Variants in TENT5D observed in about 807,000 individuals in gnomAD.
The protein encoded by TENT5D is terminal nucleotidyltransferase 5D, also known as cancer/testis antigen 112.
For missense variants in TENT5D, 191 were observed against 287.0 expected (o/e 0.67, Z 2.42); for synonymous variants, 103 against 100.6 (o/e 1.02, Z -0.15).
At chrX:80,408,582 G>A (rs1366990502) in intron 3 of TENT5D, among the ~76,000 whole-genome samples, 7 of 110,495 alleles carry the variant, frequency 6.3e-5, no homozygotes, top group South Asian at 3.9e-4. Context: ...CCAATAACAC[G>A]AGCTGAAATT....
rs149506365 is a variant in TENT5D, at chrX:80,387,085, G to A, written c.-142+44521G>A. On this transcript the variant is annotated intron_variant, in intron 3 of 4. Transcript: ENST00000538312. ...GTCTTGATCCATGGTGAGTAAAACTGGTTGTTAAATAACTAAGCATAGTTT... is the reference window on the plus strand; with the variant it reads ...GTCTTGATCCATGGTGAGTAAAACTAGTTGTTAAATAACTAAGCATAGTTT... 8.2e-3 allele frequency among the ~76,000 whole-genome samples: 922 copies of A among 112,034 alleles called. 7 individuals carry two copies. The highest frequency in any genetic ancestry group is 0.028 in the African/African-American group (870 of 30,839).
chrX:80,437,109 C>T (rs1277812778), intron 1 of TENT5D, among the ~76,000 whole-genome samples: 1 of 112,257 alleles, frequency 8.9e-6, no homozygotes, highest in Admixed American at 9.5e-5. Context: ...ATTCCTTTTA[C>T]AGCTCCCTCT....
chrX:80,337,163 A>T (rs1929867562), intron 2 of TENT5D, among the ~76,000 whole-genome samples: 1 of 112,095 alleles, frequency 8.9e-6, no homozygotes, highest in Non-Finnish European at 1.9e-5. Flanking sequence ...AAAACTTTTT[A>T]TTATAGAGAA....
intron 3 of TENT5D, among the ~76,000 whole-genome samples, chrX:80,397,022 G>C (rs1452429187): frequency 1.8e-4 from 17 of 95,075 alleles, no homozygotes; most frequent in East Asian, 3.6e-4. Flanking sequence ...GTCTGGCCGG[G>C]GGGGGGGCTG....
intron 1 of TENT5D, among the ~76,000 whole-genome samples, chrX:80,426,549 T>G (rs775457137): frequency 1.9e-4 from 21 of 112,092 alleles, no homozygotes; most frequent in Non-Finnish European, 3.6e-4. Flanking sequence ...TGCTTTTATT[T>G]TAATGCTTAA....
intron 3 of TENT5D, among the ~76,000 whole-genome samples, chrX:80,406,219 C>A (rs1405405502): frequency 1.2e-4 from 13 of 112,439 alleles, no homozygotes; most frequent in Admixed American, 3.8e-4. Context: ...GAACGCAGTT[C>A]CTCACCAGCA....
At chrX:80,417,085 C>T (rs1222781408), upstream of TENT5D, among the ~76,000 whole-genome samples, 1 of 108,854 alleles carries the variant, frequency 9.2e-6, no homozygotes, top group Non-Finnish European at 1.9e-5. Context: ...ACTTTTGTTG[C>T]TTTAAAATCT....
In TENT5D at chrX:80,349,185, C is replaced by T. The variant is rs140120357; in HGVS notation, c.-142+6621C>T. Among the ~76,000 whole-genome samples, 1,114 of 111,830 alleles carry T rather than the reference C, an allele frequency of 1.0e-2. 11 individuals are homozygous for T. Among genetic ancestry groups the T allele is most frequent in the Middle Eastern group, 0.037 (8 of 217 alleles). On this transcript the variant is annotated intron_variant, in intron 3 of 4. Transcript: ENST00000538312. Reference sequence around the variant, plus strand: ...ATGCTGGCCTCATAAAATGAGTTAGCGGGGAGTCCCTCTTTTTCTATTGTT... The same window carrying T: ...ATGCTGGCCTCATAAAATGAGTTAGTGGGGAGTCCCTCTTTTTCTATTGTT...
At chrX:80,417,227 A>G (rs1427909640), upstream of TENT5D, among the ~76,000 whole-genome samples, 1 of 111,447 alleles carries the variant, frequency 9.0e-6, no homozygotes, top group East Asian at 2.8e-4. Flanking sequence ...TGAGGACAGC[A>G]TACCATTGGA....
intron 3 of TENT5D, among the ~76,000 whole-genome samples, chrX:80,394,981 G>A (rs1308298199): frequency 9.0e-6 from 1 of 111,418 alleles, no homozygotes; most frequent in Non-Finnish European, 1.9e-5. Context: ...CTATCTAATT[G>A]TAACTTTGGA....
rs186796636 is a variant in TENT5D at position 80,383,005 on chromosome X, G to T, written c.-142+40441G>T. ...TCGCCTTCCATGGGCTGCACCCACT[G>T]TCCAAGCAGTCCCAGTGAGGTGAAC... On this transcript the variant is annotated intron_variant, in intron 3 of 4. Coordinates refer to the TENT5D transcript ENST00000538312. Among the ~76,000 whole-genome samples the T allele has an allele frequency of 2.7e-4, 30 of 111,831 alleles. 1 individual carries two copies. Among genetic ancestry groups the T allele is most frequent in the African/African-American group, 9.1e-4 (28 of 30,829 alleles).
chrX:80,440,185 A>C (rs1489522978), intron 2 of TENT5D, among the ~76,000 whole-genome samples: 1 of 111,793 alleles, frequency 8.9e-6, no homozygotes, highest in African/African-American at 3.2e-5. Context: ...TGAAAAGACT[A>C]GAATGTTTGG....
At chrX:80,336,437 C>T (rs1305785226) in intron 2 of TENT5D, among the ~76,000 whole-genome samples, 1 of 109,783 alleles carries the variant, frequency 9.1e-6, no homozygotes, top group Non-Finnish European at 1.9e-5. Flanking sequence ...GTAGGTGAAA[C>T]TGTATAAAGA....
At chrX:80,363,278 A>C (rs1012378499) in intron 3 of TENT5D, among the ~76,000 whole-genome samples, 2 of 111,713 alleles carry the variant, frequency 1.8e-5, no homozygotes, top group African/African-American at 6.5e-5. Context: ...TGCATTTCCT[A>C]ATTTATAGCA....
chrX:80,361,001 C>T (rs987130940), intron 3 of TENT5D, among the ~76,000 whole-genome samples: 7 of 111,378 alleles, frequency 6.3e-5, no homozygotes, highest in African/African-American at 2.3e-4. Flanking sequence ...GTGCCATATA[C>T]AATATTTGAG....
intron 1 of TENT5D, among the ~76,000 whole-genome samples, chrX:80,424,232 C>T (rs765201122): frequency 3.3e-4 from 37 of 110,986 alleles, no homozygotes; most frequent in Non-Finnish European, 5.1e-4. Context: ...GCTTGATAGC[C>T]GTTAGATGAG....
In TENT5D at chrX:80,433,710, A is replaced by C. The variant is rs150315621; in HGVS notation, c.-141-4900A>C. On this transcript the variant is annotated intron_variant, in intron 1 of 2. Transcript: ENST00000308293. ...AATGAACCTTTCACCTAAGCCTCTT[A>C]AGTCAAGGATCTTTTAGTATGGTTC... is the stretch of plus-strand genomic sequence containing the variant. Among the ~76,000 whole-genome samples, 605 of 112,044 alleles carry C rather than the reference A, an allele frequency of 5.4e-3. 1 individual carries two copies. Among genetic ancestry groups the C allele is most frequent in the African/African-American group, 0.019 (583 of 30,821 alleles).
chrX:80,363,533 CTTTA>C (rs1930448999), intron 3 of TENT5D, among the ~76,000 whole-genome samples: 1 of 112,062 alleles, frequency 8.9e-6, no homozygotes, highest in Non-Finnish European at 1.9e-5. Flanking sequence ...TATTTAATGG[CTTTA>C]TTTAATATTT....
chrX:80,402,243 A>G (rs1018991912), intron 3 of TENT5D, among the ~76,000 whole-genome samples: 5 of 110,963 alleles, frequency 4.5e-5, no homozygotes, highest in African/African-American at 6.5e-5. Context: ...GTCAGTTTTA[A>G]TGTCTCTTGT....
Sources: allele counts gnomAD v4.1 joint callset (sites outside exome capture counted in the v4.1 genomes callset), GRCh38; gene constraint gnomAD v4.1.1; transcripts MANE v1.5; gene names NCBI Gene and HGNC (gene_info 2026-07-23, HGNC 2026-07-21).